The following NIPAL1 variants were observed in gnomAD, a reference collection of about 807,000 sequenced individuals.
NIPAL1 encodes magnesium transporter NIPA3.
Under a neutral mutation model 37.7 loss-of-function variants are expected in NIPAL1, and 35 were observed. The observed-to-expected ratio is 0.93, with a 90% CI of 0.71 to 1.23. The LOEUF (loss-of-function observed/expected upper bound fraction) is 1.23. Among genes scored for constraint, NIPAL1 ranks in the 50% most tolerant of loss-of-function variants. The pLI, the probability that NIPAL1 is intolerant of heterozygous loss-of-function variation, is 0.00. For synonymous variants in NIPAL1, 162 were observed against 183.0 expected (o/e 0.89, Z 0.93); for missense variants, 412 against 473.9 (o/e 0.87, Z 1.21).
intron 1 of NIPAL1, among the ~76,000 whole-genome samples, chr4:48,024,845 T>C (rs1715651568): frequency 6.6e-6 from 1 of 152,244 alleles, no homozygotes; most frequent in Non-Finnish European, 1.5e-5. Context: ...AAATAGCTCA[T>C]TTTTAAATGA....
Position 48,036,162 on chromosome 4 carries a change from C to T in NIPAL1, c.1223C>T (p.Thr408Ile), listed in dbSNP as rs771765399. ...GATGACGTTACCTTGTTTAGTAGAA[C>T]TGATGACTGAAGTCTCTAGAAACAC... is the stretch of plus-strand genomic sequence containing the variant. The part of the protein sequence containing the change: ...YNDDVTLFSR[T>I]DD The change falls in exon 6 of 6, where the codon ACT (threonine) becomes ATT (isoleucine). Residue 408 changes from threonine to isoleucine, a missense_variant. Coordinates refer to ENST00000295461, the MANE Select transcript of NIPAL1 (RefSeq NM_207330.3). The T allele has an allele frequency of 1.3e-6, 2 of 1,599,388 alleles. No individual in the cohort carries two copies. The highest frequency in any genetic ancestry group is 1.1e-5 in the South Asian group (1 of 87,394).
intron 1 of NIPAL1, among the ~76,000 whole-genome samples, chr4:48,022,708 C>T (rs1289118629): frequency 6.6e-6 from 1 of 152,130 alleles, no homozygotes; most frequent in Non-Finnish European, 1.5e-5. Context: ...AATCACTTTC[C>T]CTTCTTGGGG....
intron 1 of NIPAL1, among the ~76,000 whole-genome samples, chr4:48,021,228 A>T (rs1441089272): frequency 6.6e-6 from 1 of 152,222 alleles, no homozygotes; most frequent in Non-Finnish European, 1.5e-5. Context: ...GTCCATCAGC[A>T]ACATTTATGA....
At chr4:48,017,655 C>G (rs2109363497) in intron 1 of NIPAL1, among the ~76,000 whole-genome samples, 1 of 152,192 alleles carries the variant, frequency 6.6e-6, no homozygotes, top group East Asian at 1.9e-4. Context: ...TTTCTGCAGT[C>G]TCCATACAGA....
At chr4:48,021,062 A>G (rs912964172) in intron 1 of NIPAL1, among the ~76,000 whole-genome samples, 5 of 152,024 alleles carry the variant, frequency 3.3e-5, no homozygotes, top group Non-Finnish European at 7.4e-5. Flanking sequence ...CTTGTACTTT[A>G]TGTTTTTATT....
chr4:48,021,862 T>C (rs544131239), intron 1 of NIPAL1, among the ~76,000 whole-genome samples: 5 of 150,294 alleles, frequency 3.3e-5, no homozygotes, highest in Non-Finnish European at 7.4e-5. Flanking sequence ...CTTTATTTCT[T>C]AAACTGGCTG....
intron 1 of NIPAL1, among the ~76,000 whole-genome samples, chr4:48,022,903 A>C (rs1715604613): frequency 6.6e-6 from 1 of 152,100 alleles, no homozygotes; most frequent in Non-Finnish European, 1.5e-5. Context: ...TGGGAGGATC[A>C]TTTAAACCCA....
Position 48,033,053 on chromosome 4 carries a change from C to A in NIPAL1, c.431C>A (p.Thr144Asn). Residue 144 changes from threonine to asparagine, a missense_variant, in exon 4 of 6, where the codon ACC becomes AAC. Transcript: ENST00000295461. ...GCTTTTGCACCTGCCACCTTGGTCA[C>A]CCCTCTGGGTGCTTTGAGTGTTCTC... is the stretch of plus-strand genomic sequence containing the variant. ...AYAFAPATLV[T>N]PLGALSVLIS... 13 of 1,613,786 alleles carry A rather than the reference C, an allele frequency of 8.1e-6. No homozygotes were observed. Among genetic ancestry groups the A allele is most frequent in the South Asian group, 2.2e-5 (2 of 91,062 alleles).
intron 1 of NIPAL1, among the ~76,000 whole-genome samples, chr4:48,017,431 C>CT (rs1420932716): frequency 6.6e-6 from 1 of 152,228 alleles, no homozygotes; most frequent in Non-Finnish European, 1.5e-5. Flanking sequence ...CGTCTCTCCT[C>CT]TTCCTTGGAA....
Position 48,036,234 on chromosome 4 carries a change from G to A in NIPAL1, c.*62G>A, listed in dbSNP as rs1715941793. 6.9e-7 allele frequency: 1 copy of A among 1,449,782 alleles called. No individual in the cohort carries two copies. Among genetic ancestry groups the A allele is most frequent in the East Asian group, 2.4e-5 (1 of 41,404 alleles). The allele number at this position is 1,449,782 out of a possible 1,614,324, so 89.8% of individuals were successfully genotyped here. ...CACACGAAGAGGAAAATGAATGCTT[G>A]CTTCTTGGAAGAACTGCTAGGAAAG... On this transcript the variant is annotated 3_prime_UTR_variant, in exon 6 of 6. Transcript: ENST00000295461.
intron 2 of NIPAL1, among the ~76,000 whole-genome samples, chr4:48,026,425 G>A (rs6832503): frequency 0.33 from 50,584 of 152,004 alleles, 8,666 homozygotes; most frequent in South Asian, 0.48. Flanking sequence ...GTACTATTGA[G>A]AGGAGATTTG....
chr4:48,035,083 C>T lies in NIPAL1; in HGVS notation c.622+42C>T, dbSNP rs377075511. The T allele has an allele frequency of 1.2e-5, 18 of 1,489,630 alleles. No homozygotes were observed. The African/African-American group carries it at 2.2e-4, about 18-fold the overall frequency. The allele number at this position is 1,489,630 out of a possible 1,614,324, so 92.3% of individuals were successfully genotyped here. A position where few individuals can be genotyped will look rare whatever the true frequency, so the allele number is the denominator to read the frequency against. On this transcript the variant is annotated intron_variant, in intron 5 of 5. Coordinates refer to ENST00000295461, the MANE Select transcript of NIPAL1 (RefSeq NM_207330.3). ...AAAGAACCACTCAAATTCTGCTCCACTTTCTCTCCTCACCAAATAGTATCT... is the reference window on the plus strand; with the variant it reads ...AAAGAACCACTCAAATTCTGCTCCATTTTCTCTCCTCACCAAATAGTATCT...
At chr4:48,023,972 CTTCT>C (rs1298481584) in intron 1 of NIPAL1, among the ~76,000 whole-genome samples, 1 of 124,946 alleles carries the variant, frequency 8.0e-6, no homozygotes, top group Non-Finnish European at 1.6e-5. Flanking sequence ...AGACAGATTT[CTTCT>C]TTTTTTTTTT....
intron 1 of NIPAL1, 53 bp from the exon 2 acceptor site, chr4:48,025,015 C>T: frequency 8.6e-6 from 13 of 1,512,842 alleles, no homozygotes; most frequent in Admixed American, 1.7e-5. Context: ...AGCCGGTAAG[C>T]ATTAATACCT....
Position 48,039,499 on chromosome 4 carries a change from T to C in NIPAL1, c.*3327T>C, listed in dbSNP as rs909948428. The C allele has an allele frequency of 4.6e-5, 7 of 152,238 alleles. No homozygotes were observed. Among genetic ancestry groups the C allele is most frequent in the African/African-American group, 1.7e-4 (7 of 41,466 alleles). 9.4% of individuals were successfully genotyped at this position (152,238 alleles called of 1,614,324 possible). On this transcript the variant is annotated 3_prime_UTR_variant, in exon 6 of 6. Transcript: ENST00000295461. ...TCTTAAGATTTATTATGTGAATATC[T>C]GCATGTGTGTTATTAAGGATTACAA...
intron 1 of NIPAL1, among the ~76,000 whole-genome samples, chr4:48,022,149 A>G (rs541491054): frequency 2.6e-5 from 4 of 152,078 alleles, no homozygotes; most frequent in Non-Finnish European, 5.9e-5. Flanking sequence ...GCCAATTGTG[A>G]CTTGAGATGT....
intron 4 of NIPAL1, among the ~76,000 whole-genome samples, chr4:48,033,784 CTTTT>C (rs1001111703): frequency 6.6e-6 from 1 of 152,064 alleles, no homozygotes; most frequent in Non-Finnish European, 1.5e-5. Flanking sequence ...CTTTTCTTGT[CTTTT>C]TGTTTTCTAT....
In NIPAL1 at chr4:48,035,003, C is replaced by T. The variant is rs779578446; in HGVS notation, c.584C>T (p.Thr195Ile). The T allele has an allele frequency of 3.7e-6, 6 of 1,613,968 alleles. No individual in the cohort carries two copies. The South Asian group carries it at 5.5e-5, about 15-fold the overall frequency. ...CATGCCCCACAAGAAGAGGAAGTCA[C>T]ATCTTTGCATGAAATGGAAATGAAA... ...VIHAPQEEEV[T>I]SLHEMEMKLR... The change falls in exon 5 of 6, where the codon ACA (threonine) becomes ATA (isoleucine). Residue 195 changes from threonine to isoleucine, a missense_variant. By Grantham distance (89) the Thr-to-Ile change is moderately conservative. Transcript: ENST00000295461.
At chr4:48,021,444 T>G (rs776130283) in intron 1 of NIPAL1, among the ~76,000 whole-genome samples, 1 of 152,236 alleles carries the variant, frequency 6.6e-6, no homozygotes, top group South Asian at 2.1e-4. Context: ...ACATAGAAGA[T>G]AAATATTAGG....
Sources: gnomAD v4.1 joint callset for allele counts (sites outside exome capture counted in the v4.1 genomes callset) on GRCh38, gnomAD v4.1.1 for gene constraint, MANE v1.5 for transcripts, NCBI Gene and HGNC (gene_info 2026-07-23, HGNC 2026-07-21) for gene names.